Variants in PCDH15 observed in about 807,000 individuals in gnomAD.
PCDH15 encodes protocadherin-15.
Under a neutral mutation model 178.5 loss-of-function variants are expected in PCDH15, and 129 were observed. The ratio of observed to expected loss-of-function variants is 0.72; its 90% CI spans 0.63 to 0.84. The LOEUF (loss-of-function observed/expected upper bound fraction) is 0.84. PCDH15 is among the 40% of genes least tolerant of loss of function. PCDH15 has a pLI of 0.00. For synonymous variants in PCDH15, 800 were observed against 732.0 expected (o/e 1.09, Z -1.50); for missense variants, 2,230 against 2,099.9 (o/e 1.06, Z -1.21).
intron 2 of PCDH15, among the ~76,000 whole-genome samples, chr10:54,581,389 A>T (rs2091022889): frequency 6.6e-6 from 1 of 152,068 alleles, no homozygotes; most frequent in Admixed American, 6.6e-5. Context: ...GAGGTGAAAG[A>T]TCTCTGTAAT....
At chr10:54,087,675 G>A (rs1259808889) in intron 16 of PCDH15, among the ~76,000 whole-genome samples, 1 of 152,166 alleles carries the variant, frequency 6.6e-6, no homozygotes, top group Non-Finnish European at 1.5e-5. Context: ...GCAGAATGCT[G>A]GCTTATGCGG....
chr10:54,991,462 A>C (rs1411225321), intron 2 of PCDH15, among the ~76,000 whole-genome samples: 2 of 152,182 alleles, frequency 1.3e-5, no homozygotes, highest in African/African-American at 4.8e-5. Context: ...AATAAAAAGT[A>C]AATAGACATA....
intron 2 of PCDH15, among the ~76,000 whole-genome samples, chr10:55,074,107 T>C (rs1841821508): frequency 6.6e-6 from 1 of 152,170 alleles, no homozygotes; most frequent in Non-Finnish European, 1.5e-5. Context: ...TTATTCAGTC[T>C]ATTATTGATG....
chr10:55,602,586 C>G lies in PCDH15; in HGVS notation c.-156+25039G>C, dbSNP rs546063552. ...CTCAAGTGGGTCCCTGACCGCTGAC[C>G]CCCGAGCAGCCTAACTGGGAGGCAC... is the stretch of plus-strand genomic sequence containing the variant. On this transcript the variant is annotated intron_variant, in intron 2 of 5. Coordinates refer to the PCDH15 transcript ENST00000613346. 2.6e-4 allele frequency among the ~76,000 whole-genome samples: 39 copies of G among 152,230 alleles called. 1 individual carries two copies. Among genetic ancestry groups the G allele is most frequent in the African/African-American group, 8.7e-4 (36 of 41,554 alleles).
At chr10:55,270,335 T>C (rs1201273075) in intron 1 of PCDH15, among the ~76,000 whole-genome samples, 2 of 151,634 alleles carry the variant, frequency 1.3e-5, no homozygotes, top group African/African-American at 4.8e-5. Context: ...GAAAATATCA[T>C]ACAGTAGACC....
At chr10:55,369,177 A>G (rs1845437244) in intron 2 of PCDH15, among the ~76,000 whole-genome samples, 1 of 151,978 alleles carries the variant, frequency 6.6e-6, no homozygotes, top group Admixed American at 6.6e-5. Context: ...AGTATAGGAT[A>G]TTGACACAGA....
At chr10:55,099,456 GA>G (rs1487080835) in intron 2 of PCDH15, among the ~76,000 whole-genome samples, 1 of 151,908 alleles carries the variant, frequency 6.6e-6, no homozygotes, top group African/African-American at 2.4e-5. Context: ...AAACAATAAA[GA>G]ATTATAATTA....
At position 54,087,971 on chromosome 10, in the gene PCDH15, C is replaced by T. The variant is rs12245055; in HGVS notation, c.1997+2013G>A. Among the ~76,000 whole-genome samples the T allele has an allele frequency of 8.3e-3, 1,265 of 152,212 alleles. 10 individuals carry two copies. Among genetic ancestry groups the T allele is most frequent in the Non-Finnish European group, 0.013 (868 of 68,022 alleles). On this transcript the variant is annotated intron_variant, in intron 16 of 37. Coordinates refer to ENST00000644397, the MANE Select transcript of PCDH15 (RefSeq NM_001384140.1). ...CAGGCCATGTGAAGCGCTGACTCCC[C>T]GCTTTGCCTTCAGTCATGACTTTTA...
intron 1 of PCDH15, among the ~76,000 whole-genome samples, chr10:55,270,337 C>T (rs765835692): frequency 8.6e-5 from 13 of 151,802 alleles, no homozygotes; most frequent in Non-Finnish European, 1.6e-4. Flanking sequence ...AAATATCATA[C>T]AGTAGACCGA....
intron 2 of PCDH15, among the ~76,000 whole-genome samples, chr10:54,963,153 A>T (rs1450049229): frequency 2.0e-5 from 3 of 152,210 alleles, no homozygotes; most frequent in Non-Finnish European, 4.4e-5. Context: ...CTGACATTTA[A>T]GGAAAATGGT....
At chr10:55,259,029 G>T (rs1195053607) in intron 1 of PCDH15, among the ~76,000 whole-genome samples, 2 of 151,930 alleles carry the variant, frequency 1.3e-5, no homozygotes, top group Admixed American at 1.3e-4. Context: ...ATTTCAATTG[G>T]TCAGGCAGAT....
chr10:55,412,879 TCACACACACA>T (rs71014485), intron 2 of PCDH15, among the ~76,000 whole-genome samples: 1,518 of 134,812 alleles, frequency 0.011, 27 homozygotes, highest in African/African-American at 0.038. Context: ...TCAACAATAA[TCACACACACA>T]CACACACACA....
chr10:54,129,759 T>C (rs562686205), intron 15 of PCDH15, among the ~76,000 whole-genome samples: 144 of 152,318 alleles, frequency 9.5e-4, no homozygotes, highest in Admixed American at 1.6e-3. Context: ...GTGGGTCTTA[T>C]GGAACCCTTT....
intron 2 of PCDH15, among the ~76,000 whole-genome samples, chr10:55,019,871 T>C (rs938796994): frequency 1.2e-4 from 18 of 151,780 alleles, no homozygotes; most frequent in African/African-American, 4.1e-4. Flanking sequence ...GTCAATAGAA[T>C]AGATATTAAG....
rs2092743744 is a variant in PCDH15 at position 54,016,472 on chromosome 10, A to G, written c.2751+3720T>C. Among the ~76,000 whole-genome samples the G allele has an allele frequency of 2.0e-5, 3 of 151,480 alleles. No homozygotes were observed. The South Asian group carries it at 6.2e-4, about 32-fold the overall frequency. On this transcript the variant is annotated intron_variant, in intron 20 of 37. Transcript: ENST00000644397. Reference sequence around the variant, plus strand: ...TCACAGTAATAAAGACATGAAATCAATCAACCTAAATGCCCATCAATGGTA... The same window carrying G: ...TCACAGTAATAAAGACATGAAATCAGTCAACCTAAATGCCCATCAATGGTA...
intron 9 of PCDH15, among the ~76,000 whole-genome samples, chr10:54,229,753 T>A (rs948333607): frequency 6.6e-6 from 1 of 152,160 alleles, no homozygotes; most frequent in Non-Finnish European, 1.5e-5. Flanking sequence ...CCATTAAACC[T>A]CTTTCTTTTG....
intron 2 of PCDH15, among the ~76,000 whole-genome samples, chr10:55,025,489 A>G (rs1003041930): frequency 6.6e-6 from 1 of 152,136 alleles, no homozygotes; most frequent in Non-Finnish European, 1.5e-5. Flanking sequence ...TTAAAACCAT[A>G]TGACAAATTG....
intron 1 of PCDH15, among the ~76,000 whole-genome samples, chr10:54,766,326 A>G (rs1948508040): frequency 6.6e-6 from 1 of 152,146 alleles, no homozygotes. Flanking sequence ...ACATCATTGC[A>G]TTTTGTGAAA....
At chr10:54,942,048 T>G (rs1838076210) in intron 2 of PCDH15, among the ~76,000 whole-genome samples, 2 of 152,070 alleles carry the variant, frequency 1.3e-5, no homozygotes, top group Non-Finnish European at 2.9e-5. Context: ...GGCTGGAATA[T>G]CTCCCCAATA....
Sources: allele counts gnomAD v4.1 joint callset (sites outside exome capture counted in the v4.1 genomes callset), GRCh38; gene constraint gnomAD v4.1.1; transcripts MANE v1.5; gene names NCBI Gene and HGNC (gene_info 2026-07-23, HGNC 2026-07-21).